IQCJ: variants seen among roughly 807,000 people sequenced by gnomAD.
IQCJ encodes the protein IQ domain-containing protein J.
A neutral mutation model predicts 11.0 loss-of-function variants in IQCJ; 9 were observed. The observed-to-expected ratio is 0.82, with a 90% CI of 0.49 to 1.43. The LOEUF (loss-of-function observed/expected upper bound fraction) is 1.43, where lower values mean the gene tolerates loss of function less well. Among genes scored for constraint, IQCJ ranks in the 40% most tolerant of loss-of-function variants. The pLI, the probability that IQCJ is intolerant of heterozygous loss-of-function variation, is 0.00. For synonymous variants in IQCJ, 55 were observed against 51.3 expected, an observed-to-expected ratio of 1.07 and a Z score of -0.31; for missense variants, 146 against 133.2, an observed-to-expected ratio of 1.10 and a Z score of -0.47.
intron 1 of IQCJ, among the ~76,000 whole-genome samples, chr3:159,205,225 C>A (rs1052930906): frequency 6.6e-6 from 1 of 152,162 alleles, no homozygotes; most frequent in Non-Finnish European, 1.5e-5. Flanking sequence ...AGAAGTTATA[C>A]TCATGATTAT....
intron 1 of IQCJ, among the ~76,000 whole-genome samples, chr3:159,176,116 A>G (rs375182933): frequency 2.0e-5 from 3 of 152,150 alleles, no homozygotes; most frequent in African/African-American, 4.8e-5. Flanking sequence ...TCTTTTGTCC[A>G]TGTTTAACCA....
At chr3:159,201,007 G>T (rs1290576430) in intron 1 of IQCJ, among the ~76,000 whole-genome samples, 6 of 139,616 alleles carry the variant, frequency 4.3e-5, no homozygotes, top group African/African-American at 1.7e-4. Flanking sequence ...GTAGAACTGA[G>T]CCTGGAAAGA....
intron 1 of IQCJ, among the ~76,000 whole-genome samples, chr3:159,208,256 C>A (rs1724765771): frequency 1.3e-5 from 2 of 152,188 alleles, no homozygotes; most frequent in South Asian, 4.1e-4. Context: ...TTGCTCCCAA[C>A]CTCATCCCAG....
intron 1 of IQCJ, among the ~76,000 whole-genome samples, chr3:159,142,673 C>A (rs1453702858): frequency 6.6e-6 from 1 of 152,192 alleles, no homozygotes; most frequent in East Asian, 1.9e-4. Context: ...CTGCCTCAGC[C>A]TCCCAAAGTG....
At chr3:159,163,732 C>T (rs887607818) in intron 1 of IQCJ, among the ~76,000 whole-genome samples, 7 of 152,150 alleles carry the variant, frequency 4.6e-5, no homozygotes, top group African/African-American at 1.2e-4. Context: ...GATTATCTCT[C>T]CCCTTTTACA....
intron 1 of IQCJ, among the ~76,000 whole-genome samples, chr3:159,105,448 T>C (rs904361358): frequency 6.6e-6 from 1 of 152,144 alleles, no homozygotes; most frequent in Non-Finnish European, 1.5e-5. Context: ...CTGGGTACTA[T>C]CTCAGGACAC....
intron 1 of IQCJ, chr3:159,069,929 G>C (rs1165035909): frequency 1.1e-5 from 3 of 273,308 alleles, no homozygotes; most frequent in African/African-American, 2.2e-5. Flanking sequence ...AAAATTGGGA[G>C]AGAAGAGTTA....
chr3:159,226,218 A>G (rs1237617704), intron 1 of IQCJ, among the ~76,000 whole-genome samples: 1 of 152,130 alleles, frequency 6.6e-6, no homozygotes. Flanking sequence ...TCCCGTCTCC[A>G]GAGGTCTGGG....
intron 1 of IQCJ, among the ~76,000 whole-genome samples, chr3:159,146,807 C>T (rs1720948900): frequency 6.6e-6 from 1 of 152,214 alleles, no homozygotes; most frequent in South Asian, 2.1e-4. Context: ...TCAGCTGTAT[C>T]TCCTCACTGA....
intron 1 of IQCJ, among the ~76,000 whole-genome samples, chr3:159,160,014 G>A (rs1721747768): frequency 6.6e-6 from 1 of 152,088 alleles, no homozygotes; most frequent in Admixed American, 6.6e-5. Context: ...CCCATCCTCA[G>A]GTATTCCTTT....
chr3:159,213,296 G>T (rs1288836543), intron 1 of IQCJ, among the ~76,000 whole-genome samples: 2 of 152,178 alleles, frequency 1.3e-5, no homozygotes, highest in East Asian at 3.9e-4. Flanking sequence ...TAGCATTCAA[G>T]GTGGAGCCAC....
Position 159,245,850 on chromosome 3 carries a change from T to G in IQCJ, c.17T>G (p.Leu6Arg), listed in dbSNP as rs1727239689. MRLEELKRLQNPLEQV... is the reference protein window; with the variant it reads MRLEERKRLQNPLEQV... ...ATCTTCTCTTTTTCACAGGAAGAAC[T>G]GAAAAGATTGCAGAATCCTCTAGAA... The change falls in exon 2 of 4, where the codon CTG becomes CGG. Residue 6 changes from leucine (L) to arginine (R), a missense_variant. Coordinates refer to ENST00000397832, the MANE Select transcript of IQCJ (RefSeq NM_001042706.3). 2 of 1,546,108 alleles carry G rather than the reference T, an allele frequency of 1.3e-6. No individual in the cohort carries two copies. The highest frequency in any genetic ancestry group is 4.8e-5 in the East Asian group (2 of 41,792).
intron 1 of IQCJ, among the ~76,000 whole-genome samples, chr3:159,089,867 G>T (rs933027172): frequency 6.6e-6 from 1 of 151,698 alleles, no homozygotes; most frequent in African/African-American, 2.4e-5. Flanking sequence ...TGGTTTGAGT[G>T]TCCTCCTGTA....
At chr3:159,257,546 T>C (rs1727965445) in intron 3 of IQCJ, among the ~76,000 whole-genome samples, 1 of 152,016 alleles carries the variant, frequency 6.6e-6, no homozygotes. Flanking sequence ...AGTCGAGAGC[T>C]ACAAACCGGG....
intron 1 of IQCJ, among the ~76,000 whole-genome samples, chr3:159,072,054 C>T (rs1715599178): frequency 6.6e-6 from 1 of 152,102 alleles, no homozygotes; most frequent in Non-Finnish European, 1.5e-5. Context: ...TGGCTTCTAG[C>T]TTTGGGACAA....
chr3:159,225,066 T>G (rs887889545), intron 1 of IQCJ, among the ~76,000 whole-genome samples: 1 of 152,202 alleles, frequency 6.6e-6, no homozygotes, highest in Non-Finnish European at 1.5e-5. Context: ...AACAAAAATA[T>G]GTACCTGATA....
intron 1 of IQCJ, among the ~76,000 whole-genome samples, chr3:159,220,439 G>A (rs1467889261): frequency 2.0e-5 from 3 of 152,148 alleles, no homozygotes; most frequent in Admixed American, 2.0e-4. Context: ...GGAAGGGTCA[G>A]CTACAGAGCT....
At chr3:159,219,642 G>T (rs1725426440) in intron 1 of IQCJ, among the ~76,000 whole-genome samples, 1 of 152,148 alleles carries the variant, frequency 6.6e-6, no homozygotes, top group Non-Finnish European at 1.5e-5. Context: ...TGGTTTTATA[G>T]TAAAAATATT....
At chr3:159,239,255 G>A (rs1259837089) in intron 1 of IQCJ, among the ~76,000 whole-genome samples, 2 of 152,142 alleles carry the variant, frequency 1.3e-5, no homozygotes, top group Admixed American at 6.5e-5. Context: ...CAAATTGTCA[G>A]CAGAGCAGCT....
Sources: allele counts gnomAD v4.1 joint callset (sites outside exome capture counted in the v4.1 genomes callset), GRCh38; gene constraint gnomAD v4.1.1; transcripts MANE v1.5; gene names NCBI Gene and HGNC (gene_info 2026-07-23, HGNC 2026-07-21).